Variants in ATP6V1E2 observed in about 807,000 individuals in gnomAD.
The protein encoded by ATP6V1E2 is ATPase H+ transporting V1 subunit E2, also known as V-type proton ATPase subunit E 2.
For missense variants in ATP6V1E2, 308 were observed against 273.3 expected, an observed-to-expected ratio of 1.13 and a Z score of -0.90; for synonymous variants, 121 against 104.2, an observed-to-expected ratio of 1.16 and a Z score of -0.98.
intron 2 of ATP6V1E2, among the ~76,000 whole-genome samples, chr2:46,540,835 G>C (rs1667718489): frequency 6.6e-6 from 1 of 151,984 alleles, no homozygotes; most frequent in Non-Finnish European, 1.5e-5. Flanking sequence ...TGGCAACTCT[G>C]TGGGCCAAAA....
intron 4 of ATP6V1E2, among the ~76,000 whole-genome samples, chr2:46,521,221 T>C (rs1036711144): frequency 6.6e-6 from 1 of 152,150 alleles, no homozygotes; most frequent in Non-Finnish European, 1.5e-5. Flanking sequence ...CTGGGAAGGA[T>C]CTTTAGAGGA....
In ATP6V1E2 at chr2:46,512,250, C is replaced by G; in HGVS notation, c.462G>C (p.Glu154Asp). Reference protein sequence around the residue: ...VEAAVQKAIPEYMTISQKHVE... With the variant: ...VEAAVQKAIPDYMTISQKHVE... Reference sequence around the variant, plus strand: ...CATGTTTCTGGGAAATTGTCATGTACTCGGGGATGGCTTTTTGTACAGCAG... The same window carrying G: ...CATGTTTCTGGGAAATTGTCATGTAGTCGGGGATGGCTTTTTGTACAGCAG... Residue 154 changes from glutamate to aspartate, a missense_variant, in exon 5 of 5, where the codon GAG (glutamate) becomes GAC (aspartate). Coordinates refer to ENST00000522587, the MANE Select transcript of ATP6V1E2 (RefSeq NM_001318063.2). The G allele has an allele frequency of 6.2e-7, 1 of 1,613,754 alleles. No individual in the cohort carries two copies. The highest frequency in any genetic ancestry group is 8.5e-7 in the Non-Finnish European group (1 of 1,179,796).
At chr2:46,532,418 T>A in intron 4 of ATP6V1E2, among the ~76,000 whole-genome samples, 1 of 152,160 alleles carries the variant, frequency 6.6e-6, no homozygotes, top group Non-Finnish European at 1.5e-5. Flanking sequence ...TATGTATTTA[T>A]TTATTTATAG....
chr2:46,526,335 G>C (rs1666918771), intron 4 of ATP6V1E2, among the ~76,000 whole-genome samples: 1 of 152,096 alleles, frequency 6.6e-6, no homozygotes, highest in Admixed American at 6.6e-5. Flanking sequence ...GACTGGTCTT[G>C]AACTCCTGGA....
chr2:46,512,177 C>T lies in ATP6V1E2; in HGVS notation c.535G>A (p.Gly179Arg). 1.2e-6 allele frequency: 2 copies of T among 1,614,186 alleles called. No individual in the cohort carries two copies. Among genetic ancestry groups the T allele is most frequent in the Non-Finnish European group, 1.7e-6 (2 of 1,180,020 alleles). The change falls in exon 5 of 5, where the codon GGA becomes AGA. Residue 179 changes from glycine (G) to arginine (R), a missense_variant. Coordinates refer to ENST00000522587, the MANE Select transcript of ATP6V1E2 (RefSeq NM_001318063.2). ...TTGCCACTGTAGACCTCCACACCTC[C>T]AGCTGCATTCACAGCCAGGTATGCC... ...KEAYLAVNAAGGVEVYSGNQR... is the reference protein window; with the variant it reads ...KEAYLAVNAARGVEVYSGNQR...
chr2:46,539,464 C>G (rs1029273397), intron 2 of ATP6V1E2, among the ~76,000 whole-genome samples: 1 of 152,240 alleles, frequency 6.6e-6, no homozygotes, highest in African/African-American at 2.4e-5. Flanking sequence ...ATGAACGCAG[C>G]CTTGAGCTGG....
At chr2:46,517,709 A>G (rs1666346410) in intron 4 of ATP6V1E2, among the ~76,000 whole-genome samples, 1 of 152,250 alleles carries the variant, frequency 6.6e-6, no homozygotes, top group Admixed American at 6.5e-5. Flanking sequence ...TAAAGAAGAC[A>G]TACAAAGGCC....
At chr2:46,525,202 C>G (rs1666837618) in intron 4 of ATP6V1E2, among the ~76,000 whole-genome samples, 1 of 152,068 alleles carries the variant, frequency 6.6e-6, no homozygotes. Context: ...CGGCCGGGCG[C>G]GGTGGCTCAC....
chr2:46,525,212 C>T (rs1312064226), intron 4 of ATP6V1E2, among the ~76,000 whole-genome samples: 1 of 151,782 alleles, frequency 6.6e-6, no homozygotes, highest in African/African-American at 2.4e-5. Context: ...CGGTGGCTCA[C>T]GCCTGTAATC....
chr2:46,532,680 T>C (rs1236545079), intron 4 of ATP6V1E2, among the ~76,000 whole-genome samples: 1 of 152,144 alleles, frequency 6.6e-6, no homozygotes, highest in Admixed American at 6.6e-5. Flanking sequence ...CCATGTGAGG[T>C]CATAGTGTTT....
chr2:46,526,743 T>C (rs1362965300), intron 4 of ATP6V1E2, among the ~76,000 whole-genome samples: 1 of 152,232 alleles, frequency 6.6e-6, no homozygotes, highest in Admixed American at 6.5e-5. Flanking sequence ...GGATATTTCA[T>C]TGTGTGTATA....
Position 46,530,845 on chromosome 2 carries a change from A to G in ATP6V1E2, c.-102+4968T>C, listed in dbSNP as rs142764723. 1.3e-3 allele frequency among the ~76,000 whole-genome samples: 194 copies of G among 152,212 alleles called. 5 individuals carry two copies. The East Asian group carries it at 0.018, about 14-fold the overall frequency. ...CCCCTTTGTAAAACCATCAGATCTC[A>G]TGAGACTTATTCACTAGCGCAAGAA... On this transcript the variant is annotated intron_variant, in intron 4 of 4. Transcript: ENST00000522587. The surrounding 1 kb of genome is among the most constrained non-coding windows in gnomAD (Gnocchi z 5.2).
chr2:46,534,037 G>A (rs547396211), intron 4 of ATP6V1E2, among the ~76,000 whole-genome samples: 25 of 152,174 alleles, frequency 1.6e-4, no homozygotes, highest in African/African-American at 5.5e-4. Flanking sequence ...ATTACAAAGT[G>A]CCTCGCTTGA....
intron 4 of ATP6V1E2, among the ~76,000 whole-genome samples, chr2:46,520,922 C>T (rs551922150): frequency 2.6e-5 from 4 of 151,884 alleles, no homozygotes; most frequent in Non-Finnish European, 5.9e-5. Context: ...GTACATGAAA[C>T]GGCAATGTCT....
intron 4 of ATP6V1E2, among the ~76,000 whole-genome samples, chr2:46,532,694 C>T (rs1667241184): frequency 6.6e-6 from 1 of 152,124 alleles, no homozygotes; most frequent in Non-Finnish European, 1.5e-5. Context: ...AGTGTTTGTT[C>T]CTTTCCCTCT....
intron 4 of ATP6V1E2, among the ~76,000 whole-genome samples, chr2:46,515,455 G>C (rs1332840837): frequency 1.3e-5 from 2 of 152,132 alleles, no homozygotes; most frequent in African/African-American, 2.4e-5. Flanking sequence ...ATTATAACAT[G>C]TTTCATGTTA....
At chr2:46,514,894 A>T (rs993232514) in intron 4 of ATP6V1E2, among the ~76,000 whole-genome samples, 1 of 152,172 alleles carries the variant, frequency 6.6e-6, no homozygotes, top group African/African-American at 2.4e-5. Flanking sequence ...AAGAGAAAAG[A>T]GCCATCACAT....
intron 3 of ATP6V1E2, among the ~76,000 whole-genome samples, chr2:46,536,186 A>C (rs1400387173): frequency 6.6e-6 from 1 of 152,242 alleles, no homozygotes; most frequent in Non-Finnish European, 1.5e-5. Flanking sequence ...GCTTGAGCCG[A>C]AGTTCTCAGA....
Position 46,537,977 on chromosome 2 carries a change from GA to G in ATP6V1E2, c.-309-1275del, listed in dbSNP as rs1000837922. On this transcript the variant is annotated intron_variant, in intron 2 of 4. Coordinates refer to ENST00000522587, the MANE Select transcript of ATP6V1E2 (RefSeq NM_001318063.2). Reference sequence around the variant, plus strand: ...AGATAACAACAGAGGACATTAAAAAGAAAAAAAAAAGTAGATGAAATCATAA... The same window carrying G: ...AGATAACAACAGAGGACATTAAAAAGAAAAAAAAAGTAGATGAAATCATAA... Among the ~76,000 whole-genome samples the G allele has an allele frequency of 3.9e-4, 58 of 147,662 alleles. No homozygotes were observed. The Middle Eastern group carries it at 0.01, about 27-fold the overall frequency.
Sources: allele counts gnomAD v4.1 joint callset (sites outside exome capture counted in the v4.1 genomes callset), GRCh38; gene constraint gnomAD v4.1.1; non-coding constraint Gnocchi (gnomAD v3.1); transcripts MANE v1.5; gene names NCBI Gene and HGNC (gene_info 2026-07-23, HGNC 2026-07-21).